CHD1: variants seen among roughly 807,000 people sequenced by gnomAD.
The protein encoded by CHD1 is ATP-dependent chromatin remodeler CHD1.
A neutral mutation model predicts 224.2 loss-of-function variants in CHD1; 36 were observed. That is an observed-to-expected ratio of 0.16 (90% confidence interval 0.12 to 0.21). CHD1 has a LOEUF of 0.21. Among genes scored for constraint, CHD1 ranks in the 10% least tolerant of loss-of-function variants. The probability of loss-of-function intolerance (pLI) is 1.00; values close to 1 mark genes in which losing one functional copy is unlikely to be tolerated. For synonymous variants in CHD1, 668 were observed against 658.3 expected (o/e 1.01, Z -0.23); for missense variants, 1,378 against 1,994.8 (o/e 0.69, Z 5.89).
chr5:98,915,830 G>A (rs892393237), intron 2 of CHD1, among the ~76,000 whole-genome samples: 1 of 152,116 alleles, frequency 6.6e-6, no homozygotes, highest in African/African-American at 2.4e-5. Context: ...ACTACTGTCA[G>A]TACTTTAATA....
At position 98,868,613 on chromosome 5, in the gene CHD1, C is replaced by T. The variant is rs762369741; in HGVS notation, c.4130G>A (p.Gly1377Asp). ...DDKLSESKSD[G>D]RERSKKSSVS... ...TGAAGATTTCTTGGATCTTTCCCTA[C>T]CATCAGACTTGGATTCACTCAACTA... The change falls in exon 31 of 36, where the codon GGT (glycine) becomes GAT (aspartate). Residue 1377 changes from glycine (G) to aspartate (D), a missense_variant. Coordinates refer to ENST00000614616, the MANE Select transcript of CHD1 (RefSeq NM_001270.4). 6 of 1,599,476 alleles carry T rather than the reference C, an allele frequency of 3.8e-6. No individual in the cohort carries two copies. In the Admixed American group the frequency reaches 7.1e-5, roughly 19 times the overall value.
At chr5:98,863,346 A>G (rs1561479865) in intron 32 of CHD1, 62 bp downstream of exon 32, 1 of 567,016 alleles carries the variant, frequency 1.8e-6, no homozygotes, top group African/African-American at 6.5e-5. Flanking sequence ...AAAGAAAACA[A>G]AAAAAAAAAA....
Position 98,854,160 on chromosome 5 carries a change from T to C in CHD1, c.*2220A>G, listed in dbSNP as rs927326605. 15 of 144,248 alleles carry C rather than the reference T, an allele frequency of 1.0e-4. No homozygotes were observed. Among genetic ancestry groups the C allele is most frequent in the Non-Finnish European group, 1.8e-4 (12 of 66,220 alleles). The allele number at this position is 144,248 out of a possible 1,614,324, so 8.9% of individuals were successfully genotyped here. A position where few individuals can be genotyped will look rare whatever the true frequency, so the allele number is the denominator to read the frequency against. Reference sequence around the variant, plus strand: ...ATTTATGTACTAATGTTCTTCACCATTGCGTCTTAATTTTTCTGATTTCTT... The same window carrying C: ...ATTTATGTACTAATGTTCTTCACCACTGCGTCTTAATTTTTCTGATTTCTT... On this transcript the variant is annotated 3_prime_UTR_variant, in exon 36 of 36. Transcript: ENST00000614616.
intron 2 of CHD1, among the ~76,000 whole-genome samples, chr5:98,906,568 T>G (rs569250411): frequency 1.3e-5 from 2 of 152,200 alleles, no homozygotes; most frequent in African/African-American, 4.8e-5. Flanking sequence ...ATGAAGTCTT[T>G]ATCATCAAAA....
Position 98,863,222 on chromosome 5 carries a change from A to G in CHD1, c.4427+186T>C, listed in dbSNP as rs557050743. On this transcript the variant is annotated intron_variant, in intron 32 of 35. Transcript: ENST00000614616. ...TGCCACTTGTTACATACCATGATAC[A>G]TAAGTAACCACTCATAAATAAAAAA... Among the ~76,000 whole-genome samples the G allele has an allele frequency of 1.1e-4, 16 of 152,224 alleles. No individual in the cohort carries two copies. In the East Asian group the frequency reaches 1.7e-3, roughly 16 times the overall value.
At chr5:98,873,926 G>C (rs1229851793) in intron 25 of CHD1, among the ~76,000 whole-genome samples, 1 of 152,128 alleles carries the variant, frequency 6.6e-6, no homozygotes, top group Non-Finnish European at 1.5e-5. Flanking sequence ...ATAATAATGA[G>C]TTTAATTCAT....
At chr5:98,886,937 T>C (rs959384024) in intron 17 of CHD1, among the ~76,000 whole-genome samples, 5 of 152,110 alleles carry the variant, frequency 3.3e-5, no homozygotes, top group Non-Finnish European at 5.9e-5. Context: ...AACTAATTTT[T>C]TGTTTGACTA....
chr5:98,912,984 G>A (rs1037421277), intron 2 of CHD1, among the ~76,000 whole-genome samples: 13 of 152,134 alleles, frequency 8.5e-5, no homozygotes, highest in Non-Finnish European at 1.9e-4. Flanking sequence ...GGGTGCTGGG[G>A]AAACCCTGAT....
intron 5 of CHD1, 70 bp from the exon 6 acceptor site, chr5:98,901,405 G>C (rs1751703065): frequency 2.4e-6 from 3 of 1,253,454 alleles, no homozygotes; most frequent in Admixed American, 5.1e-5. Context: ...ATACAAAGAT[G>C]ATCAAATCAA....
At chr5:98,867,494 A>T (rs1456713579) in intron 31 of CHD1, among the ~76,000 whole-genome samples, 1 of 151,756 alleles carries the variant, frequency 6.6e-6, no homozygotes, top group Non-Finnish European at 1.5e-5. Context: ...TAAAAAATAT[A>T]TTGGTCTGCA....
chr5:98,869,915 TAC>T, intron 29 of CHD1, 33 bp from the exon 30 acceptor site: 1 of 1,519,560 alleles, frequency 6.6e-7, no homozygotes, highest in Middle Eastern at 2.2e-4. Context: ...TAACCAATTC[TAC>T]AGATTTCATT....
intron 2 of CHD1, among the ~76,000 whole-genome samples, chr5:98,921,713 G>A (rs1321917267): frequency 1.3e-5 from 2 of 152,150 alleles, no homozygotes; most frequent in East Asian, 1.9e-4. Flanking sequence ...CAGAGTAAAA[G>A]GGGTAACATC....
At chr5:98,913,873 T>C (rs542950182) in intron 2 of CHD1, among the ~76,000 whole-genome samples, 1 of 152,182 alleles carries the variant, frequency 6.6e-6, no homozygotes, top group African/African-American at 2.4e-5. Flanking sequence ...TATGGAGAAC[T>C]GAAAGGAAGT....
At chr5:98,919,633 G>C (rs1752960999) in intron 2 of CHD1, among the ~76,000 whole-genome samples, 2 of 152,132 alleles carry the variant, frequency 1.3e-5, no homozygotes, top group Non-Finnish European at 2.9e-5. Context: ...TCTCAATGTT[G>C]AGTAAGGAAG....
chr5:98,882,214 C>G, intron 19 of CHD1, 91 bp from the exon 20 acceptor site: 3 of 1,074,646 alleles, frequency 2.8e-6, no homozygotes, highest in Non-Finnish European at 4.0e-6. Context: ...CAAATTGAAG[C>G]TCATTCTATA....
chr5:98,896,099 G>C, intron 12 of CHD1, 127 bp downstream of exon 12: 1 of 732,518 alleles, frequency 1.4e-6, no homozygotes, highest in Admixed American at 2.6e-5. Context: ...CAGTTGCAGT[G>C]AGCCAAGATC....
chr5:98,922,021 C>T (rs1208719157), intron 2 of CHD1, among the ~76,000 whole-genome samples: 1 of 151,934 alleles, frequency 6.6e-6, no homozygotes, highest in Non-Finnish European at 1.5e-5. Flanking sequence ...GGCATGGTGG[C>T]GGGCACCTAT....
At chr5:98,858,815 A>T (rs1748241028) in intron 34 of CHD1, 149 bp downstream of exon 34, 1 of 482,342 alleles carries the variant, frequency 2.1e-6, no homozygotes, top group Non-Finnish European at 3.6e-6. Context: ...TAATGTAGGT[A>T]TGTATCAGAA....
chr5:98,861,879 C>A (rs571805216), intron 32 of CHD1, among the ~76,000 whole-genome samples: 1 of 151,352 alleles, frequency 6.6e-6, no homozygotes, highest in South Asian at 2.1e-4. Flanking sequence ...CTTGTTTCTG[C>A]ATTAAAAATA....
Sources: allele counts gnomAD v4.1 joint callset (sites outside exome capture counted in the v4.1 genomes callset), GRCh38; gene constraint gnomAD v4.1.1; transcripts MANE v1.5; gene names NCBI Gene and HGNC (gene_info 2026-07-23, HGNC 2026-07-21).